KCNU1: variants seen among roughly 807,000 people sequenced by gnomAD.
KCNU1 encodes potassium calcium-activated channel subfamily U member 1.
KCNU1 carries 93 observed loss-of-function variants against 126.8 expected under a neutral mutation model. The observed-to-expected ratio is 0.73, with a 90% CI of 0.62 to 0.87. The LOEUF is 0.87. Ranked by LOEUF, KCNU1 falls within the 40% of genes least tolerant of loss-of-function variation. KCNU1 has a pLI of 0.00. For synonymous variants in KCNU1, 523 were observed against 494.2 expected (o/e 1.06, Z -0.77); for missense variants, 1,330 against 1,367.1 (o/e 0.97, Z 0.43).
chr8:36,888,481 G>T, intron 19 of KCNU1: 1 of 500,946 alleles, frequency 2.0e-6, no homozygotes, highest in South Asian at 1.5e-5. Flanking sequence ...GCCCCATCAC[G>T]ATTATCTTCC....
At chr8:36,804,223 T>C in intron 3 of KCNU1, 135 bp downstream of exon 3, 1 of 652,508 alleles carries the variant, frequency 1.5e-6, no homozygotes, top group Non-Finnish European at 2.7e-6. Flanking sequence ...TCATAAAAAG[T>C]GATATGTTTG....
At chr8:36,901,578 C>T (rs776258961) in intron 19 of KCNU1, among the ~76,000 whole-genome samples, 5 of 152,118 alleles carry the variant, frequency 3.3e-5, no homozygotes, top group African/African-American at 9.7e-5. Context: ...TGCTTATTTG[C>T]GTGCTGCTCT....
chr8:36,864,656 G>A, intron 19 of KCNU1, 135 bp downstream of exon 19: 1 of 624,128 alleles, frequency 1.6e-6, no homozygotes. Flanking sequence ...CCCAAAATGA[G>A]ATCATCTCCA....
intron 22 of KCNU1, 69 bp from the exon 23 acceptor site, chr8:36,918,754 T>C: frequency 1.1e-6 from 1 of 924,014 alleles, no homozygotes; most frequent in Non-Finnish European, 1.8e-6. Flanking sequence ...TACATTATAT[T>C]CTTCTACATT....
In KCNU1 at chr8:36,910,917, T is replaced by G. The variant is rs1220119548; in HGVS notation, c.2332-13T>G. The G allele has an allele frequency of 4.6e-5, 71 of 1,557,770 alleles. No homozygotes were observed. Among genetic ancestry groups the G allele is most frequent in the Non-Finnish European group, 6.1e-5 (69 of 1,138,560 alleles). On this transcript the variant is annotated splice_polypyrimidine_tract_variant and intron_variant, in intron 21 of 26. Transcript: ENST00000399881. Reference sequence around the variant, plus strand: ...ATCCGACCAGTGCCTCCTCTCTCTTTTCCTCTCATTAGGGATGTGCACTTT... The same window carrying G: ...ATCCGACCAGTGCCTCCTCTCTCTTGTCCTCTCATTAGGGATGTGCACTTT...
intron 18 of KCNU1, among the ~76,000 whole-genome samples, chr8:36,851,952 C>G (rs1219916960): frequency 6.6e-6 from 1 of 152,054 alleles, no homozygotes; most frequent in Non-Finnish European, 1.5e-5. Context: ...TTACTTTGTT[C>G]CTGACCATAG....
intron 23 of KCNU1, among the ~76,000 whole-genome samples, chr8:36,920,607 C>A (rs1210073555): frequency 1.3e-5 from 2 of 152,144 alleles, no homozygotes; most frequent in African/African-American, 2.4e-5. Context: ...GTCTGTACCA[C>A]TTTGGTACAG....
intron 10 of KCNU1, among the ~76,000 whole-genome samples, chr8:36,818,849 G>T (rs965075114): frequency 5.3e-5 from 8 of 152,162 alleles, no homozygotes; most frequent in Non-Finnish European, 8.8e-5. Flanking sequence ...TGATGTTACT[G>T]ACAGCCAAGA....
intron 26 of KCNU1, among the ~76,000 whole-genome samples, chr8:36,934,851 A>T (rs1455657941): frequency 6.6e-6 from 1 of 152,122 alleles, no homozygotes. Flanking sequence ...GGCATTTGCT[A>T]TGTACCTGAT....
chr8:36,895,328 C>G (rs1807145693), intron 19 of KCNU1, among the ~76,000 whole-genome samples: 1 of 152,072 alleles, frequency 6.6e-6, no homozygotes, highest in Non-Finnish European at 1.5e-5. Flanking sequence ...ATCTGCCCCC[C>G]TCAGCCTCCC....
intron 19 of KCNU1, among the ~76,000 whole-genome samples, chr8:36,870,118 C>A (rs530235036): frequency 6.0e-4 from 92 of 152,284 alleles, no homozygotes; most frequent in Admixed American, 1.4e-3. Flanking sequence ...TGGCTATTTT[C>A]TAGTGCCTTC....
intron 14 of KCNU1, 106 bp downstream of exon 14, chr8:36,837,051 T>A (rs1191929423): frequency 4.5e-5 from 48 of 1,056,450 alleles, no homozygotes; most frequent in Admixed American, 7.6e-5. Context: ...CCCCAAGCAA[T>A]GAGATATGAC....
intron 19 of KCNU1, among the ~76,000 whole-genome samples, chr8:36,898,788 G>A (rs576433518): frequency 6.6e-6 from 1 of 152,078 alleles, no homozygotes; most frequent in South Asian, 2.1e-4. Flanking sequence ...AGAAAGTGTT[G>A]GAGAGTGTGG....
At chr8:36,802,453 C>T (rs923031311) in intron 2 of KCNU1, among the ~76,000 whole-genome samples, 8 of 152,084 alleles carry the variant, frequency 5.3e-5, no homozygotes, top group Non-Finnish European at 7.3e-5. Flanking sequence ...AGACGAGTTG[C>T]CACCCAGGAC....
intron 19 of KCNU1, 127 bp from the exon 20 acceptor site, chr8:36,905,581 A>T (rs964139514): frequency 4.4e-6 from 3 of 678,628 alleles, no homozygotes; most frequent in Admixed American, 2.1e-5. Flanking sequence ...AGTCTTACAG[A>T]CCTGAGGTCA....
At chr8:36,921,659 GAA>G (rs58109120) in intron 23 of KCNU1, among the ~76,000 whole-genome samples, 4,710 of 97,734 alleles carry the variant, frequency 0.048, 118 homozygotes, top group African/African-American at 0.083. Flanking sequence ...ATGAAGTGAG[GAA>G]AAAAAAAAAA....
intron 18 of KCNU1, among the ~76,000 whole-genome samples, chr8:36,859,560 G>A (rs1805654516): frequency 6.6e-6 from 1 of 152,188 alleles, no homozygotes; most frequent in Admixed American, 6.5e-5. Context: ...CATCTCCAAA[G>A]AGGGGAATTC....
intron 12 of KCNU1, among the ~76,000 whole-genome samples, chr8:36,835,348 C>A (rs1290630166): frequency 1.4e-5 from 2 of 141,672 alleles, no homozygotes; most frequent in Admixed American, 7.1e-5. Context: ...CTTTTCTTTT[C>A]TTTTTTTTTT....
At chr8:36,880,313 C>T (rs1227276199) in intron 19 of KCNU1, among the ~76,000 whole-genome samples, 2 of 152,134 alleles carry the variant, frequency 1.3e-5, no homozygotes, top group South Asian at 2.1e-4. Context: ...AAGGAAATGT[C>T]TGAAAGATGA....
Sources: gnomAD v4.1 joint callset for allele counts (sites outside exome capture counted in the v4.1 genomes callset) on GRCh38, gnomAD v4.1.1 for gene constraint, MANE v1.5 for transcripts, NCBI Gene and HGNC (gene_info 2026-07-23, HGNC 2026-07-21) for gene names.